The following THSD7B variants were observed in gnomAD, a reference collection of about 807,000 sequenced individuals.
The protein encoded by THSD7B is thrombospondin type-1 domain-containing protein 7B.
Under a neutral mutation model 213.6 loss-of-function variants are expected in THSD7B, and 138 were observed. The ratio of observed to expected loss-of-function variants is 0.65; its 90% confidence interval spans 0.56 to 0.74. The LOEUF (loss-of-function observed/expected upper bound fraction) is 0.74, where lower values mean the gene tolerates loss of function less well. Ranked by LOEUF, THSD7B falls within the 30% of genes least tolerant of loss-of-function variation. The pLI, the probability that THSD7B is intolerant of heterozygous loss-of-function variation, is 0.00. For synonymous variants in THSD7B, 742 were observed against 687.0 expected (o/e 1.08, Z -1.25); for missense variants, 1,931 against 1,991.5 (o/e 0.97, Z 0.58).
chr2:137,005,633 C>T (rs754691691), intron 2 of THSD7B, among the ~76,000 whole-genome samples: 65 of 152,132 alleles, frequency 4.3e-4, no homozygotes, highest in Non-Finnish European at 9.0e-4. Context: ...TAAAGTTAGC[C>T]TATTAATTTG....
chr2:137,456,565 G>A (rs1473654248), intron 15 of THSD7B, among the ~76,000 whole-genome samples: 2 of 152,206 alleles, frequency 1.3e-5, no homozygotes, highest in African/African-American at 2.4e-5. Context: ...CACTTTGGAC[G>A]TAGAACTTTG....
At chr2:137,150,151 A>C (rs1240105107) in intron 5 of THSD7B, among the ~76,000 whole-genome samples, 2 of 151,914 alleles carry the variant, frequency 1.3e-5, no homozygotes, top group African/African-American at 4.8e-5. Flanking sequence ...CTGAGGCAGG[A>C]GAATCATTTG....
chr2:137,076,029 G>GAA (rs1687614993), intron 3 of THSD7B, among the ~76,000 whole-genome samples: 1 of 152,184 alleles, frequency 6.6e-6, no homozygotes, highest in African/African-American at 2.4e-5. Flanking sequence ...GCTACTCGGG[G>GAA]GTCAGGGACC....
At chr2:137,432,727 T>C (rs1210239297) in intron 14 of THSD7B, among the ~76,000 whole-genome samples, 1 of 152,200 alleles carries the variant, frequency 6.6e-6, no homozygotes, top group East Asian at 1.9e-4. Flanking sequence ...ACTCCATTTC[T>C]TTGCCTGTGT....
At chr2:137,336,836 ATGTC>A (rs1231549323) in intron 12 of THSD7B, among the ~76,000 whole-genome samples, 4 of 152,108 alleles carry the variant, frequency 2.6e-5, no homozygotes, top group Non-Finnish European at 5.9e-5. Flanking sequence ...AAGCATTTAA[ATGTC>A]TGTTCTTCAA....
intron 10 of THSD7B, 73 bp downstream of exon 10, chr2:137,242,645 G>T: frequency 8.9e-7 from 1 of 1,126,858 alleles, no homozygotes. Context: ...TAAGTGAGAG[G>T]TTGTGGAATG....
intron 20 of THSD7B, among the ~76,000 whole-genome samples, chr2:137,635,828 C>T (rs1461104586): frequency 4.0e-5 from 6 of 151,648 alleles, no homozygotes; most frequent in African/African-American, 1.2e-4. Context: ...TCTCAGCCTC[C>T]GAATAGCTGA....
chr2:137,364,859 A>G (rs188266915), intron 12 of THSD7B, among the ~76,000 whole-genome samples: 1 of 152,232 alleles, frequency 6.6e-6, no homozygotes, highest in Admixed American at 6.5e-5. Context: ...CAAGCTGCCA[A>G]TGACTTTCTT....
Position 137,060,399 on chromosome 2 carries a change from C to CT in THSD7B, c.950+3179dup, listed in dbSNP as rs34446833. Among the ~76,000 whole-genome samples the CT allele has an allele frequency of 6.6e-3, 973 of 146,598 alleles. 4 individuals carry two copies. The highest frequency in any genetic ancestry group is 9.6e-3 in the Non-Finnish European group (636 of 66,066). On this transcript the variant is annotated intron_variant, in intron 3 of 27. Coordinates refer to ENST00000409968, the MANE Select transcript of THSD7B (RefSeq NM_001316349.2). Reference sequence around the variant, plus strand: ...AACTTCTCAATATTTTTTCAAGGATCTTTTTTTTTTGGTGTTGTTTAAAAA... The same window carrying CT: ...AACTTCTCAATATTTTTTCAAGGATCTTTTTTTTTTTGGTGTTGTTTAAAAA...
intron 25 of THSD7B, among the ~76,000 whole-genome samples, chr2:137,662,716 A>C (rs2104823095): frequency 6.6e-6 from 1 of 152,302 alleles, no homozygotes. Context: ...AATGGAGATA[A>C]GAGTTGAAGA....
chr2:137,364,090 C>T (rs191446554), intron 12 of THSD7B, among the ~76,000 whole-genome samples: 104 of 152,268 alleles, frequency 6.8e-4, no homozygotes, highest in African/African-American at 1.9e-3. Flanking sequence ...GTTCAACATA[C>T]GCAAATCAAT....
chr2:136,932,325 A>G (rs529847644), intron 2 of THSD7B, among the ~76,000 whole-genome samples: 4 of 152,342 alleles, frequency 2.6e-5, no homozygotes, highest in African/African-American at 7.2e-5. Context: ...TTAATCTGCA[A>G]ATTAATCCCT....
At chr2:137,375,393 T>A (rs954660052) in intron 12 of THSD7B, among the ~76,000 whole-genome samples, 2 of 152,146 alleles carry the variant, frequency 1.3e-5, no homozygotes, top group Admixed American at 6.6e-5. Flanking sequence ...GAAAAATGAA[T>A]CTTAGAGGTT....
At chr2:136,845,041 G>T (rs35226477) in intron 1 of THSD7B, among the ~76,000 whole-genome samples, 21,069 of 152,172 alleles carry the variant, frequency 0.14, 2,153 homozygotes, top group Non-Finnish European at 0.22. Context: ...ATAACTGGAA[G>T]TTGGAGAGAG....
intron 2 of THSD7B, among the ~76,000 whole-genome samples, chr2:136,900,728 AT>A (rs1408017220): frequency 9.9e-5 from 15 of 152,172 alleles, no homozygotes; most frequent in Admixed American, 9.8e-4. Context: ...CAAATATTTC[AT>A]GACAATTTTA....
At chr2:137,175,504 C>A (rs552040268) in intron 7 of THSD7B, among the ~76,000 whole-genome samples, 1 of 152,286 alleles carries the variant, frequency 6.6e-6, no homozygotes, top group African/African-American at 2.4e-5. Context: ...ATTTTCCATG[C>A]AAATATTTTT....
chr2:137,020,444 C>A lies in THSD7B; in HGVS notation c.140-35976C>A, dbSNP rs75319286. 0.011 allele frequency among the ~76,000 whole-genome samples: 1,643 copies of A among 152,240 alleles called. 68 individuals carry two copies. In the East Asian group the frequency reaches 0.14, roughly 13 times the overall value. On this transcript the variant is annotated intron_variant, in intron 2 of 27. Transcript: ENST00000409968. ...ATTGATTGTGCTTATTTTCTCCTAGCCTGATCTGATTGCGGTTCATTTAAA... is the reference window on the plus strand; with the variant it reads ...ATTGATTGTGCTTATTTTCTCCTAGACTGATCTGATTGCGGTTCATTTAAA...
intron 3 of THSD7B, among the ~76,000 whole-genome samples, chr2:137,074,958 G>C (rs1340166137): frequency 1.3e-5 from 2 of 152,226 alleles, no homozygotes; most frequent in African/African-American, 4.8e-5. Context: ...GATATCAGCT[G>C]TTAGGCTGAT....
rs192513215 is a variant in THSD7B at position 137,344,559 on chromosome 2, C to T, written c.2501-61054C>T. Among the ~76,000 whole-genome samples, 9 of 151,734 alleles carry T rather than the reference C, an allele frequency of 5.9e-5. No individual in the cohort carries two copies. The South Asian group carries it at 8.3e-4, about 14-fold the overall frequency. On this transcript the variant is annotated intron_variant, in intron 12 of 27. Coordinates refer to ENST00000409968, the MANE Select transcript of THSD7B (RefSeq NM_001316349.2). ...GTGACTACATTCTTACAAATAGCCC[C>T]GATCGATTTTCTCCCATCCACGGGA... is the stretch of plus-strand genomic sequence containing the variant.
Sources: allele counts gnomAD v4.1 joint callset (sites outside exome capture counted in the v4.1 genomes callset), GRCh38; gene constraint gnomAD v4.1.1; transcripts MANE v1.5; gene names NCBI Gene and HGNC (gene_info 2026-07-23, HGNC 2026-07-21).